The following COBL variants were observed in gnomAD, a reference collection of about 807,000 sequenced individuals.
COBL encodes cordon-bleu WH2 repeat protein, also known as protein cordon-bleu.
COBL carries 51 observed loss-of-function variants against 98.8 expected under a neutral mutation model. The observed-to-expected ratio is 0.52, with a 90% CI of 0.41 to 0.65. COBL has a LOEUF of 0.65. Among genes scored for constraint, COBL ranks in the 30% least tolerant of loss-of-function variants. The probability of loss-of-function intolerance (pLI) is 0.00; values close to 1 mark genes in which losing one functional copy is unlikely to be tolerated. For missense variants in COBL, 1,617 were observed against 1,617.5 expected (o/e 1.00, Z 0.01); for synonymous variants, 634 against 651.7 (o/e 0.97, Z 0.41).
Position 51,189,641 on chromosome 7 carries a change from TA to T in COBL, c.685+1208del, listed in dbSNP as rs998716511. Among the ~76,000 whole-genome samples the T allele has an allele frequency of 2.1e-5, 3 of 144,062 alleles. 1 individual carries two copies. The highest frequency in any genetic ancestry group is 7.1e-3 in the Middle Eastern group (2 of 280). 94.5% of individuals were successfully genotyped at this position (144,062 alleles called of 152,430 possible). ...AAGAGTGAAATTCCATCTCAAAAAA[TA>T]AAAAAAAGAGAAAAAATACATTTTT... is the stretch of plus-strand genomic sequence containing the variant. On this transcript the variant is annotated intron_variant, in intron 4 of 12. Coordinates refer to ENST00000265136, the MANE Select transcript of COBL (RefSeq NM_015198.5).
At chr7:51,152,651 A>G (rs1435636756) in intron 5 of COBL, among the ~76,000 whole-genome samples, 1 of 152,180 alleles carries the variant, frequency 6.6e-6, no homozygotes, top group South Asian at 2.1e-4. Context: ...AACCCTACCT[A>G]TGTTTTCTGT....
intron 1 of COBL, among the ~76,000 whole-genome samples, chr7:51,223,420 C>T (rs1793858643): frequency 6.6e-6 from 1 of 152,240 alleles, no homozygotes; most frequent in Non-Finnish European, 1.5e-5. Context: ...TGTGTGTTTC[C>T]ATCTGGACCT....
At chr7:51,145,577 C>T (rs1784951644) in intron 5 of COBL, among the ~76,000 whole-genome samples, 1 of 151,884 alleles carries the variant, frequency 6.6e-6, no homozygotes, top group African/African-American at 2.4e-5. Context: ...TGGGGTTTCG[C>T]CATGTTGGCT....
chr7:51,154,560 C>T (rs1785913781), intron 5 of COBL, among the ~76,000 whole-genome samples: 1 of 152,188 alleles, frequency 6.6e-6, no homozygotes, highest in South Asian at 2.1e-4. Context: ...TTTCATCAGC[C>T]TCTGTACGAA....
chr7:51,017,299 C>T lies in COBL; in HGVS notation c.*252G>A, dbSNP rs1214082891. On this transcript the variant is annotated 3_prime_UTR_variant, in exon 13 of 13. Coordinates refer to ENST00000265136, the MANE Select transcript of COBL (RefSeq NM_015198.5). ...GTCCCATTAACCTGCCAACAAGAAT[C>T]GTTTATTAGCAACTTAAGATATTCA... 3 of 589,666 alleles carry T rather than the reference C, an allele frequency of 5.1e-6. No individual in the cohort carries two copies. The highest frequency in any genetic ancestry group is 4.3e-5 in the South Asian group (2 of 46,314). 36.5% of individuals were successfully genotyped at this position (589,666 alleles called of 1,614,324 possible).
chr7:51,087,161 C>T (rs186982031), intron 6 of COBL, among the ~76,000 whole-genome samples: 4 of 151,546 alleles, frequency 2.6e-5, no homozygotes, highest in Non-Finnish European at 4.4e-5. Context: ...CACACACACA[C>T]GCACAGACTC....
chr7:51,316,523 C>T, intron 1 of COBL, 70 bp downstream of exon 1: 1 of 1,119,406 alleles, frequency 8.9e-7, no homozygotes. Context: ...CGGGAGCGCG[C>T]GGTGCGGACG....
At chr7:51,165,436 C>A (rs1787218687) in intron 5 of COBL, among the ~76,000 whole-genome samples, 1 of 151,952 alleles carries the variant, frequency 6.6e-6, no homozygotes, top group African/African-American at 2.4e-5. Flanking sequence ...AATATACAGG[C>A]ACCAAACACT....
chr7:51,166,841 G>A (rs531090746), intron 5 of COBL, among the ~76,000 whole-genome samples: 1 of 152,200 alleles, frequency 6.6e-6, no homozygotes, highest in South Asian at 2.1e-4. Context: ...TCAACAGAAT[G>A]AAGGATAAAA....
At position 51,224,809 on chromosome 7, in the gene COBL, C is replaced by A. The variant is rs115427572; in HGVS notation, c.42-4865G>T. On this transcript the variant is annotated intron_variant, in intron 1 of 12. Transcript: ENST00000265136. ...TAGCTGGGATTACAGGCATACCCGGCTACCAAATTTGCCACCATACCCGGC... is the reference window on the plus strand; with the variant it reads ...TAGCTGGGATTACAGGCATACCCGGATACCAAATTTGCCACCATACCCGGC... Among the ~76,000 whole-genome samples, 1,208 of 152,284 alleles carry A rather than the reference C, an allele frequency of 7.9e-3. 18 individuals carry two copies. The highest frequency in any genetic ancestry group is 0.027 in the African/African-American group (1,141 of 41,548).
chr7:51,183,840 T>A (rs551682640), intron 5 of COBL, among the ~76,000 whole-genome samples: 2 of 152,230 alleles, frequency 1.3e-5, no homozygotes, highest in Admixed American at 6.5e-5. Context: ...GAAGGGCTCA[T>A]GGCCCCGGTC....
In COBL at chr7:51,017,395, G is replaced by A. The variant is rs151050580; in HGVS notation, c.*156C>T. The A allele has an allele frequency of 1.4e-4, 105 of 728,472 alleles. No individual in the cohort carries two copies. In the East Asian group the frequency reaches 1.5e-3, roughly 10 times the overall value. 45.1% of individuals were successfully genotyped at this position (728,472 alleles called of 1,614,324 possible). ...GCATCTTCTCCTTTCCTTTCAAGCC[G>A]TTATACAGGAACACACCGAAAATCA... On this transcript the variant is annotated 3_prime_UTR_variant, in exon 13 of 13. Transcript: ENST00000265136.
intron 5 of COBL, among the ~76,000 whole-genome samples, chr7:51,165,868 T>A (rs1370714660): frequency 6.6e-6 from 1 of 151,964 alleles, no homozygotes; most frequent in Non-Finnish European, 1.5e-5. Flanking sequence ...GAATTACCAC[T>A]GGGTCAAGGA....
rs1295545905 is a variant in COBL, at chr7:51,016,234, T to C, written c.*1317A>G. On this transcript the variant is annotated 3_prime_UTR_variant, in exon 13 of 13. Transcript: ENST00000265136. ...AGCTAAGATTTGATTTTCTTTTATT[T>C]GTGGCACTAAAAGACAGATAGCTGT... is the stretch of plus-strand genomic sequence containing the variant. 2.6e-5 allele frequency: 4 copies of C among 152,212 alleles called. No homozygotes were observed. The highest frequency in any genetic ancestry group is 5.9e-5 in the Non-Finnish European group (4 of 68,036). 9.4% of individuals were successfully genotyped at this position (152,212 alleles called of 1,614,324 possible).
intron 1 of COBL, among the ~76,000 whole-genome samples, chr7:51,312,625 G>A (rs1452146359): frequency 6.6e-6 from 1 of 152,102 alleles, no homozygotes; most frequent in East Asian, 1.9e-4. Flanking sequence ...GAGCACTTGC[G>A]TGGACACAGA....
At chr7:51,179,898 T>A (rs1445779347) in intron 5 of COBL, among the ~76,000 whole-genome samples, 1 of 152,212 alleles carries the variant, frequency 6.6e-6, no homozygotes, top group Non-Finnish European at 1.5e-5. Flanking sequence ...TTTTTGTGAC[T>A]TCTTTTTGTT....
At chr7:51,042,038 GA>G (rs1315692026) in intron 8 of COBL, among the ~76,000 whole-genome samples, 1 of 152,012 alleles carries the variant, frequency 6.6e-6, no homozygotes, top group African/African-American at 2.4e-5. Context: ...GAATCAGTGG[GA>G]AAAAATAGAT....
intron 1 of COBL, among the ~76,000 whole-genome samples, chr7:51,227,911 G>C (rs894988694): frequency 2.6e-5 from 4 of 152,138 alleles, no homozygotes; most frequent in African/African-American, 9.7e-5. Context: ...ATCCAGATAA[G>C]TAAGGGCTGA....
At position 51,076,619 on chromosome 7, in the gene COBL, T is replaced by C. The variant is rs74608223; in HGVS notation, c.1096+8547A>G. 4.6e-3 allele frequency among the ~76,000 whole-genome samples: 701 copies of C among 152,374 alleles called. 5 individuals are homozygous for C. Among genetic ancestry groups the C allele is most frequent in the African/African-American group, 0.016 (667 of 41,586 alleles). ...AGATAGTTCATTCCTCTCATTTTAT[T>C]TCCTTGTTTTAGAATTTCCTTAAAG... On this transcript the variant is annotated intron_variant, in intron 7 of 12. Coordinates refer to ENST00000265136, the MANE Select transcript of COBL (RefSeq NM_015198.5).
Sources: gnomAD v4.1 joint callset for allele counts (sites outside exome capture counted in the v4.1 genomes callset) on GRCh38, gnomAD v4.1.1 for gene constraint, MANE v1.5 for transcripts, NCBI Gene and HGNC (gene_info 2026-07-23, HGNC 2026-07-21) for gene names.